FTO: variants seen among roughly 807,000 people sequenced by gnomAD.
The protein encoded by FTO is alpha-ketoglutarate-dependent dioxygenase FTO.
A neutral mutation model predicts 63.9 loss-of-function variants in FTO; 47 were observed. The observed-to-expected ratio is 0.74, with a 90% CI of 0.58 to 0.94. FTO has a LOEUF of 0.94. Among genes scored for constraint, FTO ranks in the 40% least tolerant of loss-of-function variants. FTO has a pLI of 0.00. For synonymous variants in FTO, 207 were observed against 224.4 expected (o/e 0.92, Z 0.69); for missense variants, 562 against 618.1 (o/e 0.91, Z 0.96).
intron 7 of FTO, among the ~76,000 whole-genome samples, chr16:53,914,953 A>T (rs1567432326): frequency 6.6e-6 from 1 of 152,186 alleles, no homozygotes; most frequent in Non-Finnish European, 1.5e-5. Flanking sequence ...TGTTTTCATT[A>T]ATGTATACCC....
At chr16:53,850,663 T>TG (rs1436350876) in intron 4 of FTO, among the ~76,000 whole-genome samples, 1 of 152,146 alleles carries the variant, frequency 6.6e-6, no homozygotes, top group Non-Finnish European at 1.5e-5. Context: ...GTCCAGGCAT[T>TG]GTGCTGGCAG....
Position 54,112,515 on chromosome 16 carries a change from G to A in FTO, c.*600G>A, listed in dbSNP as rs1383402010. ...GATATGGAACATTTTCATCATCGAA[G>A]AAAGTCCTATTGGACAACACTTCTA... On this transcript the variant is annotated 3_prime_UTR_variant, in exon 9 of 9. Transcript: ENST00000471389. 6.5e-6 allele frequency: 1 copy of A among 152,812 alleles called. No homozygotes were observed. The highest frequency in any genetic ancestry group is 2.4e-5 in the African/African-American group (1 of 41,456). 9.5% of individuals were successfully genotyped at this position (152,812 alleles called of 1,614,324 possible).
At chr16:53,993,713 C>G (rs1261695954) in intron 8 of FTO, 1 of 152,142 alleles carries the variant, frequency 6.6e-6, no homozygotes, top group African/African-American at 2.4e-5. Context: ...ATGAGCCTTT[C>G]TTTTTTCATT....
intron 4 of FTO, among the ~76,000 whole-genome samples, chr16:53,861,734 T>C (rs2080179098): frequency 6.6e-6 from 1 of 152,228 alleles, no homozygotes; most frequent in African/African-American, 2.4e-5. Context: ...GCGTTTATGC[T>C]TACTGCTAGC....
chr16:54,088,909 A>G (rs2086313181), intron 8 of FTO, among the ~76,000 whole-genome samples: 1 of 152,340 alleles, frequency 6.6e-6, no homozygotes, highest in South Asian at 2.1e-4. Flanking sequence ...TACATAAAGG[A>G]TGGTTTGCCA....
intron 8 of FTO, among the ~76,000 whole-genome samples, chr16:54,037,213 C>T (rs960965004): frequency 2.6e-5 from 4 of 152,146 alleles, no homozygotes; most frequent in East Asian, 1.9e-4. Flanking sequence ...CAGGCCACCC[C>T]GAGCGAGCAT....
intron 1 of FTO, among the ~76,000 whole-genome samples, chr16:53,780,439 TTCTTTC>T (rs1237151031): frequency 1.3e-5 from 2 of 152,124 alleles, no homozygotes; most frequent in African/African-American, 4.8e-5. Flanking sequence ...AGATTTTACT[TTCTTTC>T]TTTTTGTTTG....
At chr16:53,844,113 A>C (rs968097271) in intron 3 of FTO, 42 bp from the exon 4 acceptor site, 1 of 1,563,698 alleles carries the variant, frequency 6.4e-7, no homozygotes. Flanking sequence ...AGAAGCTTAG[A>C]TTAAACATTT....
intron 8 of FTO, among the ~76,000 whole-genome samples, chr16:54,037,773 C>A (rs1399967243): frequency 6.6e-6 from 1 of 151,970 alleles, no homozygotes; most frequent in Non-Finnish European, 1.5e-5. Flanking sequence ...ATATGATATA[C>A]CATTACATGG....
chr16:53,730,257 C>T (rs1448336221), intron 1 of FTO, among the ~76,000 whole-genome samples: 1 of 151,960 alleles, frequency 6.6e-6, no homozygotes, highest in East Asian at 1.9e-4. Flanking sequence ...ACTAACTTCC[C>T]AAGAACACCA....
intron 4 of FTO, among the ~76,000 whole-genome samples, chr16:53,845,147 A>G (rs1339186810): frequency 6.6e-6 from 1 of 152,176 alleles, no homozygotes; most frequent in Non-Finnish European, 1.5e-5. Context: ...ATGTGTAAAC[A>G]GTATCATTTT....
chr16:53,951,673 C>T (rs1292192693), intron 8 of FTO, among the ~76,000 whole-genome samples: 3 of 152,152 alleles, frequency 2.0e-5, no homozygotes, highest in Admixed American at 6.5e-5. Flanking sequence ...AACTGTGTTA[C>T]ACTGCTATGC....
intron 1 of FTO, among the ~76,000 whole-genome samples, chr16:53,807,937 AT>A (rs1352736980): frequency 6.6e-6 from 1 of 152,206 alleles, no homozygotes; most frequent in East Asian, 1.9e-4. Context: ...CAATTAACCA[AT>A]AGTGAATTAT....
At chr16:54,077,378 A>G (rs1427916314) in intron 8 of FTO, among the ~76,000 whole-genome samples, 3 of 152,180 alleles carry the variant, frequency 2.0e-5, no homozygotes, top group African/African-American at 7.2e-5. Context: ...GACCAAGCCC[A>G]GTACCTGCAT....
At chr16:54,022,791 G>A (rs1468364750) in intron 8 of FTO, among the ~76,000 whole-genome samples, 1 of 152,236 alleles carries the variant, frequency 6.6e-6, no homozygotes, top group Non-Finnish European at 1.5e-5. Context: ...AACAACCAAA[G>A]ATAATTGCAA....
chr16:53,717,856 C>G (rs1388919650), intron 1 of FTO, among the ~76,000 whole-genome samples: 2 of 151,886 alleles, frequency 1.3e-5, no homozygotes, highest in South Asian at 2.1e-4. Flanking sequence ...TGCTTTTTAT[C>G]CTGTTTGTTT....
rs911707735 is a variant in FTO, at chr16:53,914,278, T to G, written c.1240-19707T>G. Among the ~76,000 whole-genome samples the G allele has an allele frequency of 2.0e-5, 3 of 151,742 alleles. No individual in the cohort carries two copies. The East Asian group carries it at 5.8e-4, about 29-fold the overall frequency. ...CTTTTTTCTTTTTTTTTTTGTCCTG[T>G]TTCAAATTCTGTTTCGGAGTTCTCA... On this transcript the variant is annotated intron_variant, in intron 7 of 8. Coordinates refer to ENST00000471389, the MANE Select transcript of FTO (RefSeq NM_001080432.3).
chr16:53,900,154 A>G (rs1294598345), intron 7 of FTO, among the ~76,000 whole-genome samples: 3 of 152,224 alleles, frequency 2.0e-5, no homozygotes, highest in Non-Finnish European at 4.4e-5. Flanking sequence ...ATAGCCTGGC[A>G]TAAGTAGCAC....
chr16:54,013,117 C>T (rs1223460427), intron 8 of FTO, among the ~76,000 whole-genome samples: 1 of 152,168 alleles, frequency 6.6e-6, no homozygotes, highest in African/African-American at 2.4e-5. Context: ...TAAGAAAATT[C>T]ATGATTCATG....
Sources: gnomAD v4.1 joint callset for allele counts (sites outside exome capture counted in the v4.1 genomes callset) on GRCh38, gnomAD v4.1.1 for gene constraint, MANE v1.5 for transcripts, NCBI Gene and HGNC (gene_info 2026-07-23, HGNC 2026-07-21) for gene names.